The following BCL2L14 variants were observed in gnomAD, a reference collection of about 807,000 sequenced individuals.
BCL2L14 encodes apoptosis facilitator Bcl-2-like protein 14.
BCL2L14 carries 27 observed loss-of-function variants against 35.3 expected under a neutral mutation model. The ratio of observed to expected loss-of-function variants is 0.76; its 90% CI spans 0.56 to 1.05. The LOEUF (loss-of-function observed/expected upper bound fraction) is 1.05, where lower values mean the gene tolerates loss of function less well. Ranked by LOEUF, BCL2L14 falls within the 50% of genes least tolerant of loss-of-function variation. The pLI is 0.00. For missense variants in BCL2L14, 377 were observed against 382.6 expected (o/e 0.99, Z 0.12); for synonymous variants, 139 against 145.9 (o/e 0.95, Z 0.34).
chr12:12,055,110 G>C (rs1030125299), intron 2 of BCL2L14: 1 of 152,142 alleles, frequency 6.6e-6, no homozygotes, highest in Non-Finnish European at 1.5e-5. Context: ...TGGAGAGGTT[G>C]AACAATTTGC....
At position 12,079,342 on chromosome 12, in the gene BCL2L14, C is replaced by G. The variant is rs766056839; in HGVS notation, c.37C>G (p.Pro13Ala). The change falls in exon 2 of 6, where the codon CCC becomes GCC. Residue 13 changes from proline (P) to alanine (A), a missense_variant. Coordinates refer to ENST00000308721, the MANE Select transcript of BCL2L14 (RefSeq NM_138723.2). ...STSGCDLEEIPLDDDDLNTIE... is the reference protein window; with the variant it reads ...STSGCDLEEIALDDDDLNTIE... ...CAGTGGGTGTGACCTGGAAGAAATC[C>G]CCCTAGATGATGATGACCTAAACAC... is the stretch of plus-strand genomic sequence containing the variant. 19 of 1,613,914 alleles carry G rather than the reference C, an allele frequency of 1.2e-5. No individual in the cohort carries two copies. In the South Asian group the frequency reaches 2.0e-4, roughly 17 times the overall value.
chr12:12,074,468 C>T (rs1189805203), intron 1 of BCL2L14, among the ~76,000 whole-genome samples: 5 of 151,606 alleles, frequency 3.3e-5, no homozygotes, highest in South Asian at 2.1e-4. Flanking sequence ...TTTTTTGAGA[C>T]AGAGTCTGAC....
chr12:12,090,740 G>C, intron 3 of BCL2L14, 39 bp from the exon 4 acceptor site: 1 of 1,529,442 alleles, frequency 6.5e-7, no homozygotes, highest in Non-Finnish European at 9.0e-7. Flanking sequence ...ATTATTTTTT[G>C]CTTCTCTTAA....
chr12:12,085,100 A>G (rs1949014626), intron 2 of BCL2L14, among the ~76,000 whole-genome samples: 2 of 151,934 alleles, frequency 1.3e-5, no homozygotes, highest in African/African-American at 2.4e-5. Context: ...AAAAAAAAAA[A>G]AAAAGTCAAT....
intron 2 of BCL2L14, among the ~76,000 whole-genome samples, chr12:12,057,645 T>C (rs948950927): frequency 1.1e-4 from 16 of 151,382 alleles, no homozygotes; most frequent in African/African-American, 2.7e-4. Context: ...TAATCCCAGC[T>C]ACTAGGGAGG....
At chr12:12,078,739 A>G (rs1391435594) in intron 1 of BCL2L14, among the ~76,000 whole-genome samples, 5 of 152,102 alleles carry the variant, frequency 3.3e-5, no homozygotes, top group African/African-American at 1.2e-4. Flanking sequence ...CTGCCTTCTA[A>G]CCTGGCTATC....
intron 2 of BCL2L14, among the ~76,000 whole-genome samples, chr12:12,057,844 T>A (rs1362382189): frequency 2.0e-5 from 3 of 147,644 alleles, no homozygotes; most frequent in Non-Finnish European, 4.5e-5. Flanking sequence ...GTGGTTAGCG[T>A]CATGGGCCTT....
rs1948361790 is a variant in BCL2L14, at chr12:12,051,849, T to C, written c.-272+2T>C. 1 of 152,118 alleles carries C rather than the reference T, an allele frequency of 6.6e-6. No homozygotes were observed. Among genetic ancestry groups the C allele is most frequent in the South Asian group, 2.1e-4 (1 of 4,834 alleles). 9.4% of individuals were successfully genotyped at this position (152,118 alleles called of 1,614,324 possible). On this transcript the variant is annotated splice_donor_variant, in intron 2 of 3. Transcript: ENST00000461264. LOFTEE classifies it low-confidence loss of function (5UTR_SPLICE). ...GTGATGGACACTAAAACAAAGACCG[T>C]AAGTACTGTAATAGCTACACACAAC...
At chr12:12,065,728 G>A (rs975874900) in intron 2 of BCL2L14, among the ~76,000 whole-genome samples, 5 of 151,906 alleles carry the variant, frequency 3.3e-5, no homozygotes, top group East Asian at 1.9e-4. Context: ...TGTCTCCAGC[G>A]ACTGAGAATC....
chr12:12,095,577 A>C, intron 5 of BCL2L14: 2 of 985,394 alleles, frequency 2.0e-6, no homozygotes, highest in Non-Finnish European at 2.4e-6. Flanking sequence ...CATAAGGTCC[A>C]CCGTGTCAAA....
intron 5 of BCL2L14, among the ~76,000 whole-genome samples, chr12:12,097,548 T>C (rs1425604233): frequency 6.6e-6 from 1 of 152,180 alleles, no homozygotes; most frequent in Non-Finnish European, 1.5e-5. Flanking sequence ...ATGGGAATAA[T>C]TGCTAAGGGA....
chr12:12,089,372 TAA>T (rs113134874), intron 3 of BCL2L14, among the ~76,000 whole-genome samples: 45 of 125,728 alleles, frequency 3.6e-4, no homozygotes, highest in Admixed American at 3.3e-4. Context: ...TCCATCTCAA[TAA>T]AAAAAAAAAA....
In BCL2L14 at chr12:12,087,392, C is replaced by T. The variant is rs1949071514; in HGVS notation, c.607+6C>T. On this transcript the variant is annotated splice_donor_region_variant and intron_variant, in intron 3 of 5. Transcript: ENST00000308721. ...AGCTTCAAGTTCTAAGAAAGGTAAG[C>T]TTTCCTTCCCTGGGTGGAGTGTTTG... 6.2e-7 allele frequency: 1 copy of T among 1,613,498 alleles called. No individual in the cohort carries two copies.
intron 2 of BCL2L14, among the ~76,000 whole-genome samples, chr12:12,058,003 A>G (rs946514184): frequency 4.8e-5 from 7 of 144,750 alleles, no homozygotes; most frequent in African/African-American, 1.6e-4. Flanking sequence ...GGAGGAGTAC[A>G]GTGGCTCCAT....
At chr12:12,077,855 T>A (rs905341716) in intron 1 of BCL2L14, 9 of 301,068 alleles carry the variant, frequency 3.0e-5, no homozygotes, top group Non-Finnish European at 6.2e-5. Flanking sequence ...ACACGGTAGA[T>A]CTGAGCTTTC....
chr12:12,061,713 C>A (rs962473239), intron 2 of BCL2L14, among the ~76,000 whole-genome samples: 3 of 152,176 alleles, frequency 2.0e-5, no homozygotes, highest in Non-Finnish European at 2.9e-5. Context: ...CCCTGACACC[C>A]ATCAGGCTCA....
chr12:12,059,352 G>A (rs1028396572), intron 2 of BCL2L14, among the ~76,000 whole-genome samples: 11 of 151,436 alleles, frequency 7.3e-5, no homozygotes, highest in East Asian at 2.0e-4. Flanking sequence ...CACCCTTAGC[G>A]GCAAGTCCGG....
At chr12:12,086,460 T>C (rs556320871) in intron 2 of BCL2L14, among the ~76,000 whole-genome samples, 1 of 152,330 alleles carries the variant, frequency 6.6e-6, no homozygotes, top group Admixed American at 6.5e-5. Context: ...ACTGGTCTCT[T>C]ATAGGCTACA....
At chr12:12,054,505 A>G (rs1395050255) in intron 2 of BCL2L14, 9 of 21,132 alleles carry the variant, frequency 4.3e-4, no homozygotes, top group African/African-American at 1.1e-3. Context: ...CTCCATCTCG[A>G]AAAAAAAAAA....
Sources: gnomAD v4.1 joint callset for allele counts (sites outside exome capture counted in the v4.1 genomes callset) on GRCh38, gnomAD v4.1.1 for gene constraint, MANE v1.5 for transcripts, NCBI Gene and HGNC (gene_info 2026-07-23, HGNC 2026-07-21) for gene names.